ABCA4: variants seen among roughly 807,000 people sequenced by gnomAD.
ABCA4 encodes retinal-specific phospholipid-transporting ATPase ABCA4.
ABCA4 carries 196 observed loss-of-function variants against 263.7 expected under a neutral mutation model. That is an observed-to-expected ratio of 0.74 (90% CI 0.66 to 0.84). The LOEUF (loss-of-function observed/expected upper bound fraction) is 0.84. Among genes scored for constraint, ABCA4 ranks in the 40% least tolerant of loss-of-function variants. The pLI is 0.00. For missense variants in ABCA4, 2,792 were observed against 2,855.1 expected, an observed-to-expected ratio of 0.98 and a Z score of 0.50; for synonymous variants, 1,133 against 1,094.2, an observed-to-expected ratio of 1.04 and a Z score of -0.70.
At chr1:94,059,363 G>A (rs768535699) in intron 14 of ABCA4, 3 of 152,232 alleles carry the variant, frequency 2.0e-5, no homozygotes, top group Admixed American at 2.0e-4. Context: ...GGTTGTTTGA[G>A]CAGAATGACC....
intron 36 of ABCA4, among the ~76,000 whole-genome samples, chr1:94,019,019 G>GTTTTTT (rs757258025): frequency 5.2e-5 from 4 of 76,436 alleles, no homozygotes; most frequent in African/African-American, 2.5e-4. Context: ...AAACAACCAG[G>GTTTTTT]TTTTTTTTTT....
chr1:94,056,809 A>C lies in ABCA4; in HGVS notation c.2174T>G (p.Leu725Arg), dbSNP rs765683730. Reference sequence around the variant, plus strand: ...GAGGATGAATGGGTCGCTGTAATGTAGGATTCTTCCATGCTGAAACCAAGA... The same window carrying C: ...GAGGATGAATGGGTCGCTGTAATGTCGGATTCTTCCATGCTGAAACCAAGA... Reference protein sequence around the residue: ...LTIFIMHGRILHYSDPFILFL... With the variant: ...LTIFIMHGRIRHYSDPFILFL... Residue 725 changes from leucine (L) to arginine (R), a missense_variant, in exon 15 of 50, where the codon CTA (leucine) becomes CGA (arginine). Coordinates refer to ENST00000370225, the MANE Select transcript of ABCA4 (RefSeq NM_000350.3). 1 of 1,605,366 alleles carries C rather than the reference A, an allele frequency of 6.2e-7. No individual in the cohort carries two copies. The highest frequency in any genetic ancestry group is 8.5e-7 in the Non-Finnish European group (1 of 1,175,630).
At chr1:94,078,791 T>C (rs1396613943) in intron 9 of ABCA4, 85 bp from the exon 10 acceptor site, 8 of 922,094 alleles carry the variant, frequency 8.7e-6, no homozygotes, top group Non-Finnish European at 1.5e-5. Flanking sequence ...TCTGCCCCTA[T>C]CACTTAGTGT....
intron 19 of ABCA4, among the ~76,000 whole-genome samples, chr1:94,046,473 A>AAAAAAAAAAAAAAAAAG (rs71094277): frequency 2.0e-4 from 24 of 120,838 alleles, no homozygotes; most frequent in Non-Finnish European, 3.6e-4. Flanking sequence ...AAAAAAAAAA[A>AAAAAAAAAAAAAAAAAG]AAAGAAAAGA....
At chr1:94,075,790 T>C (rs2101097819) in intron 11 of ABCA4, among the ~76,000 whole-genome samples, 1 of 152,306 alleles carries the variant, frequency 6.6e-6, no homozygotes, top group African/African-American at 2.4e-5. Context: ...AGTCATTTAC[T>C]GGGAGTATGA....
intron 11 of ABCA4, among the ~76,000 whole-genome samples, chr1:94,072,166 C>T (rs1001402729): frequency 3.3e-5 from 5 of 152,132 alleles, no homozygotes; most frequent in African/African-American, 1.2e-4. Flanking sequence ...AATCTCTGGC[C>T]TTTGAGAATT....
Position 93,998,048 on chromosome 1 carries a change from T to G in ABCA4, c.6542A>C (p.Asp2181Ala), listed in dbSNP as rs1267125220. The G allele has an allele frequency of 6.2e-7, 1 of 1,614,184 alleles. No homozygotes were observed. Residue 2181 changes from aspartate (D) to alanine (A), a missense_variant, in exon 48 of 50, where the codon GAC becomes GCC. Asp to Ala is a moderately radical substitution (Grantham distance 126). Transcript: ENST00000370225. ...GAAGAACTGCTCCACAGGGTTCAGG[T>G]CAGGAAGCAGGTCGTCCTTCGGGGA... ...IKSPKDDLLP[D>A]LNPVEQFFQG...
Position 94,010,872 on chromosome 1 carries a change from G to A in ABCA4, c.5642C>T (p.Ala1881Val), listed in dbSNP as rs369973540. The change falls in exon 40 of 50, where the codon GCC (alanine) becomes GTC (valine). Residue 1881 changes from alanine to valine, a missense_variant. Coordinates refer to ENST00000370225, the MANE Select transcript of ABCA4 (RefSeq NM_000350.3). ...HWDLIGKNLF[A>V]MVVEGVVYFL... ...GTACACCACCCCTTCCACCACCATG[G>A]CAAACAGGTTCTTCCCAATCAGGTC... is the stretch of plus-strand genomic sequence containing the variant. 1.2e-4 allele frequency: 186 copies of A among 1,614,006 alleles called. No individual in the cohort carries two copies. Among genetic ancestry groups the A allele is most frequent in the Middle Eastern group, 1.2e-3 (7 of 6,084 alleles).
chr1:94,121,095 C>G lies in ABCA4; in HGVS notation c.-50G>C. 1 of 1,571,344 alleles carries G rather than the reference C, an allele frequency of 6.4e-7. No individual in the cohort carries two copies. Among genetic ancestry groups the G allele is most frequent in the Non-Finnish European group, 8.8e-7 (1 of 1,141,070 alleles). ...TTGGTCAGAGCTGAGGCCCCTCAGA[C>G]AGCAAAGGACATAAACGCCGTTAAG... On this transcript the variant is annotated 5_prime_UTR_variant, in exon 1 of 50. Transcript: ENST00000370225.
At chr1:94,103,181 G>C in intron 4 of ABCA4, 39 bp from the exon 5 acceptor site, 2 of 1,611,516 alleles carry the variant, frequency 1.2e-6, no homozygotes. Context: ...TGTTGAAGGG[G>C]AAATGGGTCA....
intron 26 of ABCA4, among the ~76,000 whole-genome samples, chr1:94,035,779 G>A (rs1262402640): frequency 6.6e-6 from 1 of 152,148 alleles, no homozygotes; most frequent in Non-Finnish European, 1.5e-5. Flanking sequence ...CTGTTTGTGT[G>A]GCAGGTAACC....
chr1:94,008,806 CTT>C lies in ABCA4; in HGVS notation c.5778_5779del (p.Arg1927AsnfsTer7), dbSNP rs752693172. ...AGTTTTATTTCCACCAGTAATAATT[CTT>C]TGTCTTTCTTCAGCCACATCATCAT... On this transcript the variant is annotated frameshift_variant, in exon 41 of 50. Coordinates refer to ENST00000370225, the MANE Select transcript of ABCA4 (RefSeq NM_000350.3). LOFTEE classifies it high-confidence loss of function. The C allele has an allele frequency of 1.2e-6, 2 of 1,613,762 alleles. No individual in the cohort carries two copies. Among genetic ancestry groups the C allele is most frequent in the Non-Finnish European group, 8.5e-7 (1 of 1,179,960 alleles).
intron 5 of ABCA4, among the ~76,000 whole-genome samples, chr1:94,100,310 G>A (rs1405953522): frequency 6.6e-6 from 1 of 152,224 alleles, no homozygotes; most frequent in Non-Finnish European, 1.5e-5. Context: ...AGTTTACTAT[G>A]TGTCAGGCGC....
At chr1:94,010,289 A>G (rs1277116578) in intron 40 of ABCA4, among the ~76,000 whole-genome samples, 1 of 152,192 alleles carries the variant, frequency 6.6e-6, no homozygotes, top group Non-Finnish European at 1.5e-5. Context: ...GGCATTTGAG[A>G]AGCCCTGGTC....
Position 94,044,693 on chromosome 1 carries a change from C to T in ABCA4, c.2970G>A (p.Gly990=). ...LPPTSGTVLV[G]GRDIETSLDA... ...CCAGGCTGGTTTCAATGTCCCTTCC[C>T]CCAACGAGCACAGTCCCAGAGGTTG... is the stretch of plus-strand genomic sequence containing the variant. Residue 990 remains glycine (G), a synonymous_variant, in exon 20 of 50, where the codon GGG becomes GGA. Transcript: ENST00000370225. 5 of 1,614,170 alleles carry T rather than the reference C, an allele frequency of 3.1e-6. No individual in the cohort carries two copies. The highest frequency in any genetic ancestry group is 4.2e-6 in the Non-Finnish European group (5 of 1,180,022).
At chr1:94,116,417 C>T (rs1304002174) in intron 1 of ABCA4, among the ~76,000 whole-genome samples, 1 of 152,160 alleles carries the variant, frequency 6.6e-6, no homozygotes, top group African/African-American at 2.4e-5. Context: ...CAGGGTTCTT[C>T]TTTTTAACAC....
At chr1:94,033,815 C>T (rs1013472972) in intron 26 of ABCA4, among the ~76,000 whole-genome samples, 2 of 152,112 alleles carry the variant, frequency 1.3e-5, no homozygotes, top group Non-Finnish European at 1.5e-5. Flanking sequence ...GTTCTCGGTG[C>T]CAGAGCCCCA....
Position 94,044,621 on chromosome 1 carries a change from C to G in ABCA4, c.3042G>C (p.Leu1014=). 6.2e-7 allele frequency: 1 copy of G among 1,614,196 alleles called. No individual in the cohort carries two copies. The highest frequency in any genetic ancestry group is 8.5e-7 in the Non-Finnish European group (1 of 1,180,046). The part of the protein sequence containing the change: ...SLGMCPQHNI[L]FHHLTVAEHM... ...GTTCCTGTGTCGCTTACTGGTGGAA[C>G]AGGATGTTGTGCTGTGGACACATGC... Residue 1014 remains leucine (L), a synonymous_variant, in exon 20 of 50, where the codon CTG becomes CTC. Transcript: ENST00000370225.
intron 11 of ABCA4, among the ~76,000 whole-genome samples, chr1:94,075,548 C>T (rs1213906544): frequency 1.3e-5 from 2 of 152,104 alleles, no homozygotes; most frequent in African/African-American, 2.4e-5. Flanking sequence ...ATTGTGGTGG[C>T]ACCAGGGCAA....
Sources: allele counts gnomAD v4.1 joint callset (sites outside exome capture counted in the v4.1 genomes callset), GRCh38; gene constraint gnomAD v4.1.1; transcripts MANE v1.5; gene names NCBI Gene and HGNC (gene_info 2026-07-23, HGNC 2026-07-21).